GUCY2C: variants seen among roughly 807,000 people sequenced by gnomAD.
The protein encoded by GUCY2C is guanylyl cyclase C.
GUCY2C carries 118 observed loss-of-function variants against 131.1 expected under a neutral mutation model. The observed-to-expected ratio is 0.90, with a 90% confidence interval of 0.78 to 1.05. GUCY2C has a LOEUF of 1.05. Ranked by LOEUF, GUCY2C falls within the 50% of genes least tolerant of loss-of-function variation. The probability of loss-of-function intolerance (pLI) is 0.00; values close to 1 mark genes in which losing one functional copy is unlikely to be tolerated. For synonymous variants in GUCY2C, 452 were observed against 457.8 expected (o/e 0.99, Z 0.16); for missense variants, 1,161 against 1,304.4 (o/e 0.89, Z 1.69).
chr12:14,623,475 G>C (rs1946937079), intron 21 of GUCY2C, among the ~76,000 whole-genome samples: 1 of 152,236 alleles, frequency 6.6e-6, no homozygotes, highest in Admixed American at 6.5e-5. Context: ...CACGACTGGA[G>C]TGGTTGTTCT....
chr12:14,635,948 A>C (rs1947260353), intron 19 of GUCY2C, among the ~76,000 whole-genome samples: 1 of 152,224 alleles, frequency 6.6e-6, no homozygotes, highest in South Asian at 2.1e-4. Flanking sequence ...ACCAACAATG[A>C]GTAATGAGAC....
chr12:14,685,104 C>T (rs1948445110), intron 3 of GUCY2C, among the ~76,000 whole-genome samples: 1 of 152,332 alleles, frequency 6.6e-6, no homozygotes, highest in Non-Finnish European at 1.5e-5. Flanking sequence ...ATTCTCTCTA[C>T]TCTGCCACAG....
At chr12:14,667,999 C>CTTTTTTTTTTTTTTTTTTTTTTTTTT (rs11355096) in intron 10 of GUCY2C, among the ~76,000 whole-genome samples, 1 of 76,512 alleles carries the variant, frequency 1.3e-5, no homozygotes, top group Non-Finnish European at 2.5e-5. Flanking sequence ...TAATAATTTT[C>CTTTTTTTTTTTTTTTTTTTTTTTTTT]TTTTTTTTTT....
chr12:14,685,703 A>G (rs1461788193), intron 3 of GUCY2C, among the ~76,000 whole-genome samples: 2 of 152,204 alleles, frequency 1.3e-5, no homozygotes, highest in East Asian at 3.8e-4. Flanking sequence ...TGTCATTTAT[A>G]TAATTCTCAA....
At chr12:14,642,592 G>A (rs776054258) in intron 17 of GUCY2C, among the ~76,000 whole-genome samples, 5 of 152,214 alleles carry the variant, frequency 3.3e-5, no homozygotes, top group Non-Finnish European at 5.9e-5. Flanking sequence ...GTTAGGGGTT[G>A]TAGAAAAGGT....
intron 2 of GUCY2C, 81 bp from the exon 3 acceptor site, chr12:14,686,306 C>G: frequency 2.0e-6 from 2 of 1,012,076 alleles, no homozygotes; most frequent in Non-Finnish European, 3.1e-6. Flanking sequence ...AAGGGGAAGG[C>G]TCCCAGAGGT....
In GUCY2C at chr12:14,628,647, C is replaced by G. The variant is rs1413025046; in HGVS notation, c.2248G>C (p.Gly750Arg). 6.8e-7 allele frequency: 1 copy of G among 1,470,886 alleles called. No homozygotes were observed. The highest frequency in any genetic ancestry group is 9.5e-7 in the Non-Finnish European group (1 of 1,049,806). The allele number at this position is 1,470,886 out of a possible 1,614,324, so 91.1% of individuals were successfully genotyped here. ...TAAAAGTAAACATTTCAGCAATACC[C>G]AAATATCTTGGCAAGTGTAGTCTCA... ...KIETTLAKIF[G>R]LFHDQKNESY... is the part of the protein sequence containing the mutation. The change falls in exon 20 of 27, where the codon GGA becomes CGA. Residue 750 changes from glycine to arginine, a missense_variant and splice_region_variant. By Grantham distance (125) the Gly-to-Arg change is moderately radical. Coordinates refer to ENST00000261170, the MANE Select transcript of GUCY2C (RefSeq NM_004963.4).
In GUCY2C at chr12:14,691,328, T is replaced by G. The variant is rs530143948; in HGVS notation, c.218-3265A>C. On this transcript the variant is annotated intron_variant, in intron 1 of 26. Transcript: ENST00000261170. ...TGGGGAGTGATGGGTTTAATAGCAG[T>G]TCACACTTAATTGAGTGTAACCGCG... Among the ~76,000 whole-genome samples, 4 of 152,340 alleles carry G rather than the reference T, an allele frequency of 2.6e-5. No homozygotes were observed. The South Asian group carries it at 8.3e-4, about 32-fold the overall frequency.
chr12:14,625,922 G>A lies in GUCY2C; in HGVS notation c.2250-7C>T, dbSNP rs751789696. On this transcript the variant is annotated splice_region_variant and splice_polypyrimidine_tract_variant and intron_variant, in intron 20 of 26. Coordinates refer to ENST00000261170, the MANE Select transcript of GUCY2C (RefSeq NM_004963.4). ...TTTTTGGTCATGAAAAAGTCTGTAG[G>A]TAGTAATAGATAAAGAGCTCTTATA... The A allele has an allele frequency of 4.4e-6, 7 of 1,576,010 alleles. No individual in the cohort carries two copies. The highest frequency in any genetic ancestry group is 1.7e-4 in the Middle Eastern group (1 of 5,994).
chr12:14,651,582 A>G, intron 14 of GUCY2C, 71 bp from the exon 15 acceptor site: 2 of 783,232 alleles, frequency 2.6e-6, no homozygotes, highest in Non-Finnish European at 4.5e-6. Flanking sequence ...TAATATGCCA[A>G]TAAAATGTGT....
intron 17 of GUCY2C, among the ~76,000 whole-genome samples, chr12:14,643,338 G>T (rs975714770): frequency 6.6e-6 from 1 of 152,076 alleles, no homozygotes; most frequent in East Asian, 1.9e-4. Flanking sequence ...AGTTATTCAT[G>T]ATTTCTCAGT....
Position 14,616,641 on chromosome 12 carries a change from A to G in GUCY2C, c.2962T>C (p.Tyr988His). Residue 988 changes from tyrosine (Y) to histidine (H), a missense_variant, in exon 25 of 27, where the codon TAC (tyrosine) becomes CAC (histidine). Transcript: ENST00000261170. ...CTCTGTGGACTCCTTACCTTTAAGTATGTTTCTCCTCTCACTTCATAAAGG... is the reference window on the plus strand; with the variant it reads ...CTCTGTGGACTCCTTACCTTTAAGTGTGTTTCTCCTCTCACTTCATAAAGG... ...QFLYEVRGETYLKGRGNETTY... is the reference protein window; with the variant it reads ...QFLYEVRGETHLKGRGNETTY... The G allele has an allele frequency of 6.4e-7, 1 of 1,567,042 alleles. No individual in the cohort carries two copies. The highest frequency in any genetic ancestry group is 8.8e-7 in the Non-Finnish European group (1 of 1,137,300).
intron 11 of GUCY2C, among the ~76,000 whole-genome samples, 183 bp downstream of exon 11, chr12:14,660,798 T>TCTATTC (rs1947852310): frequency 6.6e-6 from 1 of 152,208 alleles, no homozygotes; most frequent in Non-Finnish European, 1.5e-5. Flanking sequence ...AAAGCCCTAA[T>TCTATTC]CTATTCACTC....
At chr12:14,614,775 C>A in intron 26 of GUCY2C, 92 bp downstream of exon 26, 1 of 726,076 alleles carries the variant, frequency 1.4e-6, no homozygotes, top group Non-Finnish European at 2.3e-6. Flanking sequence ...ATATATGCCA[C>A]TTGTAAGGCA....
chr12:14,620,270 A>G (rs533267340), intron 23 of GUCY2C, among the ~76,000 whole-genome samples: 25 of 152,332 alleles, frequency 1.6e-4, no homozygotes, highest in Non-Finnish European at 3.1e-4. Flanking sequence ...GTCTCAGCCA[A>G]TCGCAGTAGC....
intron 19 of GUCY2C, among the ~76,000 whole-genome samples, chr12:14,634,387 G>A (rs1258409106): frequency 6.6e-6 from 1 of 152,170 alleles, no homozygotes; most frequent in Non-Finnish European, 1.5e-5. Flanking sequence ...ATGCTTCAGG[G>A]CGTCCTACGC....
intron 13 of GUCY2C, among the ~76,000 whole-genome samples, chr12:14,652,644 C>T (rs908836858): frequency 6.6e-6 from 1 of 152,208 alleles, no homozygotes; most frequent in Non-Finnish European, 1.5e-5. Context: ...TTGTATTTCT[C>T]AGCAATGAGC....
At chr12:14,650,326 C>T (rs1328909579) in intron 15 of GUCY2C, among the ~76,000 whole-genome samples, 1 of 152,196 alleles carries the variant, frequency 6.6e-6, no homozygotes, top group African/African-American at 2.4e-5. Context: ...CGGCTCACTG[C>T]AACCTCTGAC....
At chr12:14,618,376 A>T (rs1242860854) in intron 24 of GUCY2C, among the ~76,000 whole-genome samples, 2 of 152,064 alleles carry the variant, frequency 1.3e-5, no homozygotes, top group African/African-American at 2.4e-5. Flanking sequence ...TTAGCTGTGC[A>T]TGGTGGCATG....
Sources: gnomAD v4.1 joint callset for allele counts (sites outside exome capture counted in the v4.1 genomes callset) on GRCh38, gnomAD v4.1.1 for gene constraint, MANE v1.5 for transcripts, NCBI Gene and HGNC (gene_info 2026-07-23, HGNC 2026-07-21) for gene names.